Variants in ANO4 observed in about 807,000 individuals in gnomAD.
ANO4 encodes anoctamin-4.
In ANO4, 69 loss-of-function variants were observed where a neutral mutation model predicts 141.9. That is an observed-to-expected ratio of 0.49 (90% CI 0.40 to 0.59). ANO4 has a LOEUF of 0.59. ANO4 is among the 20% of genes least tolerant of loss of function. The probability of loss-of-function intolerance (pLI) is 0.00; values close to 1 mark genes in which losing one functional copy is unlikely to be tolerated. For missense variants in ANO4, 894 were observed against 1,162.2 expected, an observed-to-expected ratio of 0.77 and a Z score of 3.36; for synonymous variants, 350 against 394.3, an observed-to-expected ratio of 0.89 and a Z score of 1.33.
chr12:101,086,666 G>T lies in ANO4; in HGVS notation c.1543G>T (p.Val515Leu). The T allele has an allele frequency of 6.2e-7, 1 of 1,613,516 alleles. No individual in the cohort carries two copies. The highest frequency in any genetic ancestry group is 8.5e-7 in the Non-Finnish European group (1 of 1,179,748). ...TGTCTTGTCTTCCTGCCAGATCTGC[G>T]TGGTGATTGCTGCCGTGTTCGGGAT... ...SASGIFFMIC[V>L]VIAAVFGIVI... Residue 515 changes from valine (V) to leucine (L), a missense_variant, in exon 17 of 28, where the codon GTG (valine) becomes TTG (leucine). Val to Leu is a conservative substitution (Grantham distance 32). Transcript: ENST00000392977.
intron 7 of ANO4, among the ~76,000 whole-genome samples, chr12:100,981,053 G>T (rs1410849728): frequency 6.6e-6 from 1 of 152,158 alleles, no homozygotes; most frequent in African/African-American, 2.4e-5. Context: ...CCTGGGTGAG[G>T]CTTGACAGTG....
intron 22 of ANO4, among the ~76,000 whole-genome samples, chr12:101,108,225 A>G (rs2050524530): frequency 6.6e-6 from 1 of 152,176 alleles, no homozygotes; most frequent in Non-Finnish European, 1.5e-5. Context: ...GGAGAAAAAT[A>G]AAACCAAGGT....
chr12:101,109,555 T>A (rs1189035050), intron 22 of ANO4, among the ~76,000 whole-genome samples: 1 of 151,928 alleles, frequency 6.6e-6, no homozygotes, highest in Non-Finnish European at 1.5e-5. Flanking sequence ...AGCTAGACTC[T>A]GTCTCAAAAA....
chr12:100,854,460 C>G (rs1018759614), intron 1 of ANO4, among the ~76,000 whole-genome samples: 1 of 152,102 alleles, frequency 6.6e-6, no homozygotes, highest in African/African-American at 2.4e-5. Context: ...CCCTTATTCT[C>G]TCCTCTTTTA....
chr12:100,863,740 G>A (rs2038605092), intron 1 of ANO4, among the ~76,000 whole-genome samples: 1 of 152,074 alleles, frequency 6.6e-6, no homozygotes, highest in Non-Finnish European at 1.5e-5. Context: ...TTTTGGGACA[G>A]GATTATTTTG....
intron 14 of ANO4, chr12:101,067,024 A>C: frequency 3.5e-6 from 2 of 568,538 alleles, no homozygotes; most frequent in Non-Finnish European, 6.3e-6. Flanking sequence ...AAAAGAAAGA[A>C]CAGACCATGC....
At chr12:100,972,140 G>A (rs2043960479) in intron 6 of ANO4, among the ~76,000 whole-genome samples, 1 of 152,202 alleles carries the variant, frequency 6.6e-6, no homozygotes, top group Non-Finnish European at 1.5e-5. Context: ...AAAGATGGAT[G>A]GATGTAGTCC....
chr12:100,807,423 CT>C (rs1389156120), intron 1 of ANO4, among the ~76,000 whole-genome samples: 2 of 152,144 alleles, frequency 1.3e-5, no homozygotes, highest in African/African-American at 2.4e-5. Flanking sequence ...AGCCTCACCC[CT>C]ATTACCCTTT....
chr12:100,854,083 C>G (rs1030095806), intron 1 of ANO4, among the ~76,000 whole-genome samples: 1 of 152,140 alleles, frequency 6.6e-6, no homozygotes, highest in African/African-American at 2.4e-5. Flanking sequence ...GATAAAATCT[C>G]TCTGGCTTAC....
intron 8 of ANO4, among the ~76,000 whole-genome samples, chr12:101,009,047 C>T (rs2045978428): frequency 6.6e-6 from 1 of 152,034 alleles, no homozygotes; most frequent in South Asian, 2.1e-4. Context: ...TGCGATCATG[C>T]ATACTGTTAT....
chr12:100,911,443 A>G (rs2041098904), intron 2 of ANO4, among the ~76,000 whole-genome samples: 1 of 152,240 alleles, frequency 6.6e-6, no homozygotes, highest in South Asian at 2.1e-4. Flanking sequence ...TAAGAAAACC[A>G]TACTAAAGAA....
At chr12:101,027,762 C>T (rs1051671265) in intron 9 of ANO4, among the ~76,000 whole-genome samples, 1 of 152,158 alleles carries the variant, frequency 6.6e-6, no homozygotes, top group African/African-American at 2.4e-5. Context: ...TCTCTGCAGA[C>T]CAGCAGACTT....
rs569851174 is a variant in ANO4 at position 100,770,499 on chromosome 12, T to A, written c.358+30394T>A. On this transcript the variant is annotated intron_variant, in intron 3 of 29. Coordinates refer to the ANO4 transcript ENST00000644049. Reference sequence around the variant, plus strand: ...TTAGAAGTATGAAGGACAGAATAGCTGAAAACGTAGAAGTTCAATGGGAAA... The same window carrying A: ...TTAGAAGTATGAAGGACAGAATAGCAGAAAACGTAGAAGTTCAATGGGAAA... Among the ~76,000 whole-genome samples the A allele has an allele frequency of 1.3e-4, 20 of 152,312 alleles. No homozygotes were observed. In the South Asian group the frequency reaches 3.9e-3, roughly 30 times the overall value.
At position 101,120,570 on chromosome 12, in the gene ANO4, C is replaced by T; in HGVS notation, c.2621C>T (p.Thr874Ile). 6.2e-7 allele frequency: 1 copy of T among 1,614,118 alleles called. No individual in the cohort carries two copies. Among genetic ancestry groups the T allele is most frequent in the Non-Finnish European group, 8.5e-7 (1 of 1,180,004 alleles). The change falls in exon 26 of 28, where the codon ACA becomes ATA. Residue 874 changes from threonine to isoleucine, a missense_variant. Physicochemically the swap from Thr to Ile is moderately conservative, Grantham distance 89 (BLOSUM62 -1). This residue lies in a region of ANO4 where 637 missense variants were observed against 909.2 expected (regional missense o/e 0.70). Coordinates refer to ENST00000392977, the MANE Select transcript of ANO4 (RefSeq NM_001286615.2). ...CATTCACTGGTGCCCTATGGCTACA[C>T]ACTGCAGTTTTGGCATGTCCTAGCT... is the stretch of plus-strand genomic sequence containing the variant. ...PPHSLVPYGY[T>I]LQFWHVLAAR...
rs557735038 is a variant in ANO4, at chr12:101,098,028, C to T, written c.2006+83C>T. Reference sequence around the variant, plus strand: ...GGTGTGGCAAGTAAGATAAGCAATGCAGACTCAGCAGTTAAGCCAGTGCGT... The same window carrying T: ...GGTGTGGCAAGTAAGATAAGCAATGTAGACTCAGCAGTTAAGCCAGTGCGT... On this transcript the variant is annotated intron_variant, in intron 21 of 27. Transcript: ENST00000392977. The T allele has an allele frequency of 1.1e-5, 14 of 1,235,660 alleles. No homozygotes were observed. The East Asian group carries it at 3.3e-4, about 29-fold the overall frequency. 76.5% of individuals were successfully genotyped at this position (1,235,660 alleles called of 1,614,324 possible).
At chr12:101,105,406 T>A (rs540811236) in intron 22 of ANO4, among the ~76,000 whole-genome samples, 1 of 152,236 alleles carries the variant, frequency 6.6e-6, no homozygotes, top group Non-Finnish European at 1.5e-5. Context: ...GGCTATTTTG[T>A]AGACACTTTT....
intron 12 of ANO4, 98 bp downstream of exon 12, chr12:101,042,566 T>G: frequency 6.7e-7 from 1 of 1,496,334 alleles, no homozygotes; most frequent in Admixed American, 1.9e-5. Flanking sequence ...CATTTAGCTT[T>G]TCACTCAAAC....
intron 3 of ANO4, among the ~76,000 whole-genome samples, chr12:100,928,316 T>C (rs1028852067): frequency 6.6e-6 from 1 of 152,136 alleles, no homozygotes; most frequent in Admixed American, 6.6e-5. Context: ...AAAATAGTAA[T>C]AGTACATCTA....
chr12:100,835,059 A>G (rs751212566), intron 1 of ANO4, among the ~76,000 whole-genome samples: 32 of 152,156 alleles, frequency 2.1e-4, no homozygotes, highest in Admixed American at 7.2e-4. Context: ...TCTGCTTCCA[A>G]TGGCCTTGTG....
Sources: gnomAD v4.1 joint callset for allele counts (sites outside exome capture counted in the v4.1 genomes callset) on GRCh38, gnomAD v4.1.1 for gene constraint, gnomAD v4.1.1 regional missense constraint, MANE v1.5 for transcripts, NCBI Gene and HGNC (gene_info 2026-07-23, HGNC 2026-07-21) for gene names.